The following NAF1 variants were observed in gnomAD, a reference collection of about 807,000 sequenced individuals.
The protein encoded by NAF1 is H/ACA ribonucleoprotein complex non-core subunit NAF1.
In NAF1, 11 loss-of-function variants were observed where a neutral mutation model predicts 40.6. The observed-to-expected ratio is 0.27, with a 90% CI of 0.17 to 0.45. NAF1 has a LOEUF of 0.45. Among genes scored for constraint, NAF1 ranks in the 20% least tolerant of loss-of-function variants. The pLI, the probability that NAF1 is intolerant of heterozygous loss-of-function variation, is 1.00. For missense variants in NAF1, 607 were observed against 611.1 expected, an observed-to-expected ratio of 0.99 and a Z score of 0.07; for synonymous variants, 260 against 228.5, an observed-to-expected ratio of 1.14 and a Z score of -1.24.
intron 1 of NAF1, among the ~76,000 whole-genome samples, chr4:163,164,705 A>C (rs1732380563): frequency 2.0e-5 from 3 of 152,218 alleles, no homozygotes; most frequent in Admixed American, 2.0e-4. Context: ...CACCTGTCTG[A>C]ATATAAGCAA....
chr4:163,111,500 A>G (rs1487006140), intron 2 of NAF1, among the ~76,000 whole-genome samples: 1 of 152,216 alleles, frequency 6.6e-6, no homozygotes, highest in Non-Finnish European at 1.5e-5. Context: ...GAGGGAGCAG[A>G]AATGTCCAGT....
chr4:163,148,946 G>A lies in NAF1; in HGVS notation c.541-512C>T, dbSNP rs146208822. On this transcript the variant is annotated intron_variant, in intron 2 of 7. Coordinates refer to ENST00000274054, the MANE Select transcript of NAF1 (RefSeq NM_138386.3). ...GTTGAATGGCCTCTTCAGGAAAAAG[G>A]AAATGACACCTATCAGTGAAACATT... is the stretch of plus-strand genomic sequence containing the variant. Among the ~76,000 whole-genome samples, 3 of 152,214 alleles carry A rather than the reference G, an allele frequency of 2.0e-5. No individual in the cohort carries two copies. The East Asian group carries it at 5.8e-4, about 29-fold the overall frequency.
At chr4:163,110,994 A>G (rs1255830705) in intron 2 of NAF1, among the ~76,000 whole-genome samples, 1 of 152,220 alleles carries the variant, frequency 6.6e-6, no homozygotes, top group African/African-American at 2.4e-5. Context: ...ACATTTTAAA[A>G]AAGGTAAACC....
chr4:163,146,775 T>A (rs560962743), intron 3 of NAF1, among the ~76,000 whole-genome samples: 8 of 152,324 alleles, frequency 5.3e-5, no homozygotes, highest in Admixed American at 4.6e-4. Flanking sequence ...AGCAAGACCT[T>A]GTCTCTATTA....
chr4:163,166,671 G>T lies in NAF1; in HGVS notation c.57C>A (p.Thr19=), dbSNP rs747243486. ...AQLETLKFNG[T]DFGVGEGPAA... is the part of the protein sequence containing the mutation. ...CCGGACCTTCCCCAACTCCAAAGTC[G>T]GTGCCATTGAATTTCAGAGTTTCCA... The change falls in exon 1 of 8, where the codon ACC becomes ACA. Residue 19 remains threonine, a synonymous_variant. Coordinates refer to ENST00000274054, the MANE Select transcript of NAF1 (RefSeq NM_138386.3). 38 of 1,613,598 alleles carry T rather than the reference G, an allele frequency of 2.4e-5. 1 individual carries two copies. Among genetic ancestry groups the T allele is most frequent in the Admixed American group, 3.3e-5 (2 of 60,008 alleles).
At chr4:163,119,419 C>G (rs1162577185) in intron 2 of NAF1, 4 of 152,266 alleles carry the variant, frequency 2.6e-5, no homozygotes, top group African/African-American at 9.6e-5. Context: ...ACTTTGAAAA[C>G]AAGATGAAAG....
At chr4:163,108,619 T>C (rs1730086997), downstream of NAF1, among the ~76,000 whole-genome samples, 1 of 152,234 alleles carries the variant, frequency 6.6e-6, no homozygotes, top group Non-Finnish European at 1.5e-5. Context: ...ATCTTTACAA[T>C]TAAAATAAAT....
At chr4:163,128,329 C>T (rs1425367726), downstream of NAF1, among the ~76,000 whole-genome samples, 1 of 152,096 alleles carries the variant, frequency 6.6e-6, no homozygotes, top group African/African-American at 2.4e-5. Context: ...CTTGCCTATG[C>T]ATAATAAATA....
At chr4:163,154,723 T>C (rs911973125) in intron 2 of NAF1, among the ~76,000 whole-genome samples, 4 of 151,750 alleles carry the variant, frequency 2.6e-5, no homozygotes, top group Non-Finnish European at 5.9e-5. Context: ...ATACAAAAAT[T>C]AGCCAGGCAT....
rs558356279 is a variant in NAF1, at chr4:163,166,835, T to A, written c.-108A>T. 72 of 1,424,766 alleles carry A rather than the reference T, an allele frequency of 5.1e-5. No individual in the cohort carries two copies. The African/African-American group carries it at 7.9e-4, about 16-fold the overall frequency. The allele number at this position is 1,424,766 out of a possible 1,614,324, so 88.3% of individuals were successfully genotyped here. A position where few individuals can be genotyped will look rare whatever the true frequency, so the allele number is the denominator to read the frequency against. ...CTTAGGCAACCGCAGCAACACTGCC[T>A]GGGCCCAACTTCCCGCGTTTCTCAG... On this transcript the variant is annotated 5_prime_UTR_variant, in exon 1 of 8. Coordinates refer to ENST00000274054, the MANE Select transcript of NAF1 (RefSeq NM_138386.3).
intron 1 of NAF1, among the ~76,000 whole-genome samples, chr4:163,165,038 G>C (rs1732394843): frequency 6.6e-6 from 1 of 152,052 alleles, no homozygotes; most frequent in African/African-American, 2.4e-5. Flanking sequence ...CTACTTTCAT[G>C]GATAATCCCA....
intron 7 of NAF1, among the ~76,000 whole-genome samples, chr4:163,132,296 C>G (rs1350132886): frequency 6.6e-6 from 1 of 152,174 alleles, no homozygotes; most frequent in Non-Finnish European, 1.5e-5. Flanking sequence ...TTCCTAATAA[C>G]CCCAAAATGG....
At chr4:163,127,290 C>T (rs1415806546), downstream of NAF1, among the ~76,000 whole-genome samples, 2 of 152,062 alleles carry the variant, frequency 1.3e-5, no homozygotes, top group African/African-American at 4.8e-5. Context: ...CCACCACGCT[C>T]GGCTAATTTT....
chr4:163,141,962 G>T, intron 4 of NAF1: 2 of 972,370 alleles, frequency 2.1e-6, no homozygotes, highest in Non-Finnish European at 2.4e-6. Flanking sequence ...GAAGATATGT[G>T]TACTCTAAAA....
chr4:163,109,160 CT>C (rs11353573), downstream of NAF1, among the ~76,000 whole-genome samples: 85,047 of 134,630 alleles, frequency 0.63, 26,144 homozygotes, highest in South Asian at 0.7. Context: ...CCTTTTCACC[CT>C]TTTTTTTTTT....
chr4:163,123,490 T>C (rs567926040), downstream of NAF1, among the ~76,000 whole-genome samples: 1 of 152,192 alleles, frequency 6.6e-6, no homozygotes, highest in Admixed American at 6.5e-5. Context: ...CAAGTGATCT[T>C]CCTGCCTCAG....
At chr4:163,142,031 G>T in intron 4 of NAF1, 1 of 528,164 alleles carries the variant, frequency 1.9e-6, no homozygotes, top group Non-Finnish European at 2.4e-6. Context: ...AACACTAATA[G>T]CATCACAAAT....
downstream of NAF1, among the ~76,000 whole-genome samples, chr4:163,109,122 C>T (rs1420598382): frequency 6.7e-6 from 1 of 150,110 alleles, no homozygotes; most frequent in East Asian, 2.0e-4. Context: ...ATTAAATCAT[C>T]TCCAGTCATG....
At chr4:163,134,506 T>C (rs1730983240) in intron 6 of NAF1, among the ~76,000 whole-genome samples, 1 of 152,190 alleles carries the variant, frequency 6.6e-6, no homozygotes, top group African/African-American at 2.4e-5. Flanking sequence ...ATCTGGTATC[T>C]GAAAGACACT....
Sources: allele counts gnomAD v4.1 joint callset (sites outside exome capture counted in the v4.1 genomes callset), GRCh38; gene constraint gnomAD v4.1.1; transcripts MANE v1.5; gene names NCBI Gene and HGNC (gene_info 2026-07-23, HGNC 2026-07-21).